Variants in MYH10 observed in about 807,000 individuals in gnomAD.
The protein encoded by MYH10 is myosin heavy chain 10.
Under a neutral mutation model 257.8 loss-of-function variants are expected in MYH10, and 55 were observed. The ratio of observed to expected loss-of-function variants is 0.21; its 90% CI spans 0.17 to 0.27. The LOEUF (loss-of-function observed/expected upper bound fraction) is 0.27. MYH10 is among the 10% of genes least tolerant of loss of function. The pLI is 1.00. For missense variants in MYH10, 1,631 were observed against 2,500.6 expected (o/e 0.65, Z 7.42); for synonymous variants, 854 against 921.7 (o/e 0.93, Z 1.33).
chr17:8,485,665 A>G (rs1275475904), intron 36 of MYH10, among the ~76,000 whole-genome samples: 1 of 152,240 alleles, frequency 6.6e-6, no homozygotes, highest in Non-Finnish European at 1.5e-5. Flanking sequence ...GGTTACAATC[A>G]AAAGATGGAC....
chr17:8,492,859 C>G lies in MYH10; in HGVS notation c.4375G>C (p.Glu1459Gln). The G allele has an allele frequency of 6.2e-7, 1 of 1,614,148 alleles. No individual in the cohort carries two copies. The highest frequency in any genetic ancestry group is 8.5e-7 in the Non-Finnish European group (1 of 1,180,024). The change falls in exon 33 of 43, where the codon GAG becomes CAG. Residue 1459 changes from glutamate to glutamine, a missense_variant. By Grantham distance (29) the Glu-to-Gln change is conservative. This residue lies in a region of MYH10 where 463 missense variants were observed against 621.8 expected (regional missense o/e 0.74). Transcript: ENST00000360416. ...LEKTKNRLQQ[E>Q]LDDLTVDLDH... The stretch of plus-strand genomic sequence containing the variant: ...AGGTCCACCGTGAGGTCGTCCAGCT[C>G]CTGCTGCAGGCGGTTCTTGGTCTTC...
chr17:8,492,504 T>C lies in MYH10; in HGVS notation c.4464A>G (p.Leu1488=), dbSNP rs745539659. 1.4e-5 allele frequency: 22 copies of C among 1,610,790 alleles called. No homozygotes were observed. The highest frequency in any genetic ancestry group is 1.9e-5 in the Non-Finnish European group (22 of 1,179,264). ...EKKQKKFDQL[L]AEEKSISARY... is the part of the protein sequence containing the mutation. ...GAGCAGAGATGCTCTTCTCTTCTGC[T>C]AACAGCTGTGCAGAAGGGGATGGGG... Residue 1488 remains leucine, a synonymous_variant, in exon 34 of 43, where the codon TTA becomes TTG. Transcript: ENST00000360416.
rs778390713 is a variant in MYH10 at position 8,477,198 on chromosome 17, G to A, written c.5707-150C>T. On this transcript the variant is annotated intron_variant, in intron 41 of 42. Coordinates refer to ENST00000360416, the MANE Select transcript of MYH10 (RefSeq NM_001256012.3). This position sits in a 1 kb window ranked among gnomAD's most constrained non-coding sequence, Gnocchi z 4.2. The stretch of plus-strand genomic sequence containing the variant: ...GTACACGCGTGCCTGGGGGCTGGTC[G>A]GAGGCTCTGTAACCGGCCTGCCGCT... 2.4e-5 allele frequency: 19 copies of A among 802,006 alleles called. No homozygotes were observed. The highest frequency in any genetic ancestry group is 5.2e-5 in the African/African-American group (3 of 58,026). The allele number at this position is 802,006 out of a possible 1,614,324, so 49.7% of individuals were successfully genotyped here. A position where few individuals can be genotyped will look rare whatever the true frequency, so the allele number is the denominator to read the frequency against.
chr17:8,481,528 C>T lies in MYH10; in HGVS notation c.5176-118G>A, dbSNP rs953304583. ...TGTCACTGTTTACCTGCACCTCAAG[C>T]TGTCATTTAGATTTGAGAAATTAAA... On this transcript the variant is annotated intron_variant, in intron 37 of 42. Coordinates refer to ENST00000360416, the MANE Select transcript of MYH10 (RefSeq NM_001256012.3). The T allele has an allele frequency of 2.9e-5, 24 of 831,718 alleles. No homozygotes were observed. The African/African-American group carries it at 4.0e-4, about 14-fold the overall frequency. The allele number at this position is 831,718 out of a possible 1,614,324, so 51.5% of individuals were successfully genotyped here.
At chr17:8,627,682 G>A (rs1026597543) in intron 1 of MYH10, among the ~76,000 whole-genome samples, 4 of 152,096 alleles carry the variant, frequency 2.6e-5, no homozygotes, top group South Asian at 4.1e-4. Flanking sequence ...GGATAATACT[G>A]GTGTTTAACA....
At chr17:8,484,626 T>C (rs1393709335) in intron 36 of MYH10, among the ~76,000 whole-genome samples, 1 of 152,136 alleles carries the variant, frequency 6.6e-6, no homozygotes, top group Non-Finnish European at 1.5e-5. Context: ...GTAAAAAGGA[T>C]TATACACCAT....
intron 1 of MYH10, among the ~76,000 whole-genome samples, chr17:8,628,510 G>A (rs2085768536): frequency 6.6e-6 from 1 of 152,176 alleles, no homozygotes. Flanking sequence ...CCATGACAGA[G>A]CATCCATCTA....
At chr17:8,579,851 C>T (rs892395120) in intron 4 of MYH10, among the ~76,000 whole-genome samples, 10 of 152,104 alleles carry the variant, frequency 6.6e-5, no homozygotes, top group African/African-American at 2.2e-4. Context: ...AATCTTCAAC[C>T]TGAAAAAAAT....
chr17:8,565,297 T>C (rs1325948817), intron 7 of MYH10, among the ~76,000 whole-genome samples: 1 of 152,210 alleles, frequency 6.6e-6, no homozygotes, highest in African/African-American at 2.4e-5. Context: ...GAATTGAATT[T>C]AAAAATGAGT....
chr17:8,486,578 A>AGC (rs1914836916), intron 36 of MYH10, among the ~76,000 whole-genome samples: 1 of 61,214 alleles, frequency 1.6e-5, no homozygotes, highest in African/African-American at 5.4e-5. Context: ...AAAAAAAAAA[A>AGC]AATGGAAACA....
At chr17:8,486,364 G>A (rs922037493) in intron 36 of MYH10, among the ~76,000 whole-genome samples, 1 of 152,024 alleles carries the variant, frequency 6.6e-6, no homozygotes, top group Admixed American at 6.5e-5. Flanking sequence ...TAAAATCACA[G>A]TATTATAGTT....
At chr17:8,549,107 C>T (rs1295245233) in intron 9 of MYH10, among the ~76,000 whole-genome samples, 1 of 152,108 alleles carries the variant, frequency 6.6e-6, no homozygotes, top group Non-Finnish European at 1.5e-5. Flanking sequence ...TGACAAAACT[C>T]TATTGTTTTC....
At chr17:8,517,095 C>T (rs773408659) in intron 21 of MYH10, among the ~76,000 whole-genome samples, 7 of 151,986 alleles carry the variant, frequency 4.6e-5, no homozygotes, top group East Asian at 1.9e-4. Flanking sequence ...GAGCCGAGGT[C>T]GCGCCACTGC....
intron 28 of MYH10, among the ~76,000 whole-genome samples, chr17:8,502,816 T>C (rs1414744081): frequency 1.3e-5 from 2 of 152,144 alleles, no homozygotes; most frequent in African/African-American, 2.4e-5. Context: ...ATTTAGTTTT[T>C]TGCAAGGGTT....
chr17:8,571,792 T>C lies in MYH10; in HGVS notation c.664-1980A>G, dbSNP rs928636289. Among the ~76,000 whole-genome samples, 155 of 152,114 alleles carry C rather than the reference T, an allele frequency of 1.0e-3. 1 individual carries two copies. Among genetic ancestry groups the C allele is most frequent in the African/African-American group, 3.5e-3 (147 of 41,512 alleles). On this transcript the variant is annotated intron_variant, in intron 6 of 42. Coordinates refer to ENST00000360416, the MANE Select transcript of MYH10 (RefSeq NM_001256012.3). ...AAAAAATAAAAATTAAAAATGTCAG[T>C]CATTATTCGGTGATAGACTGCCTTC...
intron 30 of MYH10, 42 bp downstream of exon 30, chr17:8,499,228 T>C (rs1917142497): frequency 1.3e-6 from 2 of 1,580,298 alleles, no homozygotes; most frequent in Non-Finnish European, 1.7e-6. Context: ...ATTAGGGACA[T>C]GCTACAGTGG....
intron 40 of MYH10, among the ~76,000 whole-genome samples, 164 bp from the exon 41 acceptor site, chr17:8,478,610 G>A (rs554782046): frequency 6.6e-6 from 1 of 152,266 alleles, no homozygotes. Flanking sequence ...CTTTCCTTCT[G>A]GTCAAAATCA....
chr17:8,476,765 A>ATGG, intron 42 of MYH10, 111 bp downstream of exon 42: 3 of 1,174,372 alleles, frequency 2.6e-6, no homozygotes, highest in Middle Eastern at 5.9e-4. Flanking sequence ...GGGAGAAAGA[A>ATGG]TGGGTCACTG....
At chr17:8,482,575 C>T (rs1453554128) in intron 37 of MYH10, among the ~76,000 whole-genome samples, 2 of 152,136 alleles carry the variant, frequency 1.3e-5, no homozygotes, top group African/African-American at 4.8e-5. Flanking sequence ...GGGGGTGGGG[C>T]TCTAGGCAGA....
Sources: gnomAD v4.1 joint callset for allele counts (sites outside exome capture counted in the v4.1 genomes callset) on GRCh38, gnomAD v4.1.1 for gene constraint, gnomAD v4.1.1 regional missense constraint, Gnocchi (gnomAD v3.1) non-coding constraint, MANE v1.5 for transcripts, NCBI Gene and HGNC (gene_info 2026-07-23, HGNC 2026-07-21) for gene names.